Variants in PRAMEF1 observed in about 807,000 individuals in gnomAD.
The protein encoded by PRAMEF1 is PRAME family member 1.
In PRAMEF1, 21 loss-of-function variants were observed where a neutral mutation model predicts 38.2. The ratio of observed to expected loss-of-function variants is 0.55; its 90% CI spans 0.39 to 0.79. The LOEUF (loss-of-function observed/expected upper bound fraction) is 0.79. PRAMEF1 is among the 30% of genes least tolerant of loss of function. The probability of loss-of-function intolerance (pLI) is 0.00; values close to 1 mark genes in which losing one functional copy is unlikely to be tolerated. For synonymous variants in PRAMEF1, 200 were observed against 229.0 expected (o/e 0.87, Z 1.14); for missense variants, 497 against 565.8 (o/e 0.88, Z 1.23).
chr1:12,794,481 A>G lies in PRAMEF1; in HGVS notation c.854A>G (p.Glu285Gly). ...KLITFFSGHL[E>G]QLIRCLQNPL... ...ATCACCTTCTTCAGTGGGCACCTGG[A>G]ACAGCTGATCAGGTGAGAAAGGATC... The change falls in exon 3 of 4, where the codon GAA becomes GGA. Residue 285 changes from glutamate to glycine, a missense_variant. Glu to Gly is a moderately conservative substitution (Grantham distance 98). Coordinates refer to ENST00000332296, the MANE Select transcript of PRAMEF1 (RefSeq NM_023013.4). The G allele has an allele frequency of 2.5e-6, 4 of 1,610,194 alleles. No individual in the cohort carries two copies. Among genetic ancestry groups the G allele is most frequent in the Non-Finnish European group, 3.4e-6 (4 of 1,177,792 alleles).
rs1229954598 is a variant in PRAMEF1, at chr1:12,794,108, G to A, written c.481G>A (p.Asp161Asn). Residue 161 changes from aspartate to asparagine, a missense_variant, in exon 3 of 4, where the codon GAT becomes AAT. Asp to Asn is a conservative substitution (Grantham distance 23). Transcript: ENST00000332296. ...CATCTGCCTCAAGGAAATACCCCAGGATGAATGCCTGAGATACCTCTTCCA... is the reference window on the plus strand; with the variant it reads ...CATCTGCCTCAAGGAAATACCCCAGAATGAATGCCTGAGATACCTCTTCCA... ...IDICLKEIPQ[D>N]ECLRYLFQWV... 2 of 1,609,914 alleles carry A rather than the reference G, an allele frequency of 1.2e-6. No individual in the cohort carries two copies. Among genetic ancestry groups the A allele is most frequent in the South Asian group, 1.1e-5 (1 of 90,712 alleles).
chr1:12,791,532 A>T (rs1639293540), intron 1 of PRAMEF1, 58 bp downstream of exon 1: 1 of 147,906 alleles, frequency 6.8e-6, no homozygotes, highest in Non-Finnish European at 1.5e-5. Flanking sequence ...CCAGTCAGGG[A>T]CGGTGACACA....
Position 12,793,953 on chromosome 1 carries a change from A to G in PRAMEF1, c.326A>G (p.Asp109Gly). 6.2e-7 allele frequency: 1 copy of G among 1,609,086 alleles called. No homozygotes were observed. The highest frequency in any genetic ancestry group is 8.5e-7 in the Non-Finnish European group (1 of 1,178,596). Residue 109 changes from aspartate (D) to glycine (G), a missense_variant, in exon 3 of 4, where the codon GAC (aspartate) becomes GGC (glycine). Coordinates refer to ENST00000332296, the MANE Select transcript of PRAMEF1 (RefSeq NM_023013.4). ...KLQVLDLRDVDENFWARWPGA... is the reference protein window; with the variant it reads ...KLQVLDLRDVGENFWARWPGA... ...CAAGTGCTGGATTTGCGGGATGTTG[A>G]CGAGAATTTCTGGGCCAGATGGCCT...
rs200944557 is a variant in PRAMEF1 at position 12,795,929 on chromosome 1, G to A, written c.1358G>A (p.Gly453Asp). 365 of 1,610,776 alleles carry A rather than the reference G, an allele frequency of 2.3e-4. No homozygotes were observed. The highest frequency in any genetic ancestry group is 2.9e-4 in the Non-Finnish European group (343 of 1,179,656). Residue 453 changes from glycine (G) to aspartate (D), a missense_variant, in exon 4 of 4, where the codon GGC becomes GAC. Physicochemically the swap from Gly to Asp is moderately conservative, Grantham distance 94 (BLOSUM62 -1). This residue lies in a region of PRAMEF1 where 27 missense variants were observed against 63.9 expected (regional missense o/e 0.42). Transcript: ENST00000332296. ...EVRQPKRIFI[G>D]PTPCPSCGSS... ...AGGCAGCCCAAGAGGATCTTCATTGGCCCCACCCCCTGCCCTTCCTGTGGC... is the reference window on the plus strand; with the variant it reads ...AGGCAGCCCAAGAGGATCTTCATTGACCCCACCCCCTGCCCTTCCTGTGGC...
Position 12,794,271 on chromosome 1 carries a change from T to A in PRAMEF1, c.644T>A (p.Met215Lys). ...NSIQELEIRNMSWPRLIRKLR... is the reference protein window; with the variant it reads ...NSIQELEIRNKSWPRLIRKLR... ...ATTCAAGAGCTGGAAATTCGCAACA[T>A]GTCCTGGCCACGTCTGATAAGAAAG... is the stretch of plus-strand genomic sequence containing the variant. Residue 215 changes from methionine to lysine, a missense_variant, in exon 3 of 4, where the codon ATG (methionine) becomes AAG (lysine). Transcript: ENST00000332296. The A allele has an allele frequency of 2.5e-6, 4 of 1,611,938 alleles. 1 individual carries two copies. The highest frequency in any genetic ancestry group is 3.4e-6 in the Non-Finnish European group (4 of 1,178,780).
At chr1:12,795,307 C>A (rs1639375821) in intron 3 of PRAMEF1, 131 bp from the exon 4 acceptor site, 1 of 768,826 alleles carries the variant, frequency 1.3e-6, no homozygotes, top group African/African-American at 1.8e-5. Context: ...CATGCAGCAA[C>A]TTCCATGAGG....
rs751576437 is a variant in PRAMEF1 at position 12,792,750 on chromosome 1, G to T, written c.-25-453G>T. Among the ~76,000 whole-genome samples, 12 of 150,438 alleles carry T rather than the reference G, an allele frequency of 8.0e-5. 1 individual carries two copies. Among genetic ancestry groups the T allele is most frequent in the Non-Finnish European group, 1.8e-4 (12 of 67,418 alleles). The stretch of plus-strand genomic sequence containing the variant: ...TAGGCCAGGCTGTTCTCAAATTACG[G>T]ACCTCAAGTGATCTGCCTCCTTGGT... On this transcript the variant is annotated intron_variant, in intron 1 of 3. Transcript: ENST00000332296.
Position 12,795,063 on chromosome 1 carries a change from A to G in PRAMEF1, c.867-375A>G. 3.7e-6 allele frequency: 4 copies of G among 1,085,598 alleles called. No individual in the cohort carries two copies. In the South Asian group the frequency reaches 4.5e-5, roughly 12 times the overall value. 67.2% of individuals were successfully genotyped at this position (1,085,598 alleles called of 1,614,324 possible). A position where few individuals can be genotyped will look rare whatever the true frequency, so the allele number is the denominator to read the frequency against. ...TGACAGTTGGTTTGCAGATGCAGGC[A>G]TGTCAGGGAGCCCCTGCTGACATGT... On this transcript the variant is annotated intron_variant, in intron 3 of 3. Transcript: ENST00000332296.
rs267597970 is a variant in PRAMEF1 at position 12,793,385 on chromosome 1, C to G, written c.158C>G (p.Thr53Arg). The change falls in exon 2 of 4, where the codon ACG becomes AGG. Residue 53 changes from threonine to arginine, a missense_variant. Physicochemically the swap from Thr to Arg is moderately conservative, Grantham distance 71 (BLOSUM62 -1). Transcript: ENST00000332296. ...AFSRRHFQTLTVMVQAWPFTC... is the reference protein window; with the variant it reads ...AFSRRHFQTLRVMVQAWPFTC... ...AGCAGGAGACACTTCCAGACTCTGA[C>G]GGTGATGGTTCAGGCCTGGCCCTTC... The G allele has an allele frequency of 6.2e-7, 1 of 1,610,118 alleles. No homozygotes were observed. The highest frequency in any genetic ancestry group is 2.3e-5 in the East Asian group (1 of 44,380).
rs200932095 is a variant in PRAMEF1 at position 12,791,422 on chromosome 1, A to T, written c.-78A>T. On this transcript the variant is annotated 5_prime_UTR_variant, in exon 1 of 4. Transcript: ENST00000332296. The stretch of plus-strand genomic sequence containing the variant: ...ACCCACAGCACTCATTCCTGGAGCT[A>T]CTGGTTGGTTTCCTGAGAGGTCCCA... The T allele has an allele frequency of 7.1e-6, 1 of 141,662 alleles. No individual in the cohort carries two copies. The highest frequency in any genetic ancestry group is 1.6e-5 in the Non-Finnish European group (1 of 63,172). 8.8% of individuals were successfully genotyped at this position (141,662 alleles called of 1,614,324 possible). A position where few individuals can be genotyped will look rare whatever the true frequency, so the allele number is the denominator to read the frequency against.
At position 12,793,322 on chromosome 1, in the gene PRAMEF1, C is replaced by G; in HGVS notation, c.95C>G (p.Pro32Arg). 6.2e-7 allele frequency: 1 copy of G among 1,608,792 alleles called. No individual in the cohort carries two copies. The highest frequency in any genetic ancestry group is 8.5e-7 in the Non-Finnish European group (1 of 1,177,750). The change falls in exon 2 of 4, where the codon CCC (proline) becomes CGC (arginine). Residue 32 changes from proline to arginine, a missense_variant. By Grantham distance (103) the Pro-to-Arg change is moderately radical. Transcript: ENST00000332296. ...TCCATCTCTGCCATGGAGGAGCTGC[C>G]CAGGGTGCTCTATCTCCCACTCTTC... Reference protein sequence around the residue: ...ALSISAMEELPRVLYLPLFME... With the variant: ...ALSISAMEELRRVLYLPLFME...
At chr1:12,793,846 T>A in intron 2 of PRAMEF1, 69 bp from the exon 3 acceptor site, 1 of 1,425,264 alleles carries the variant, frequency 7.0e-7, no homozygotes, top group South Asian at 1.3e-5. Flanking sequence ...ATTTATGGGA[T>A]GACAATGAAA....
At position 12,794,331 on chromosome 1, in the gene PRAMEF1, G is replaced by A. The variant is rs767221045; in HGVS notation, c.704G>A (p.Arg235His). ...TACCTGAAGGAGATGAAGAATCTTC[G>A]CAAACTCGTTTTCTCCAGGTGCCAT... ...RCYLKEMKNL[R>H]KLVFSRCHHY... is the part of the protein sequence containing the mutation. Residue 235 changes from arginine (R) to histidine (H), a missense_variant, in exon 3 of 4, where the codon CGC (arginine) becomes CAC (histidine). Physicochemically the swap from Arg to His is conservative, Grantham distance 29. Around this residue, in one of 2 missense-constraint regions of PRAMEF1, gnomAD observed 470 missense variants for 501.9 expected, o/e 0.94. Coordinates refer to ENST00000332296, the MANE Select transcript of PRAMEF1 (RefSeq NM_023013.4). The A allele has an allele frequency of 2.4e-5, 39 of 1,611,988 alleles. 1 individual carries two copies. Among genetic ancestry groups the A allele is most frequent in the Admixed American group, 1.8e-4 (11 of 59,812 alleles).
chr1:12,795,259 C>T (rs1231451348), intron 3 of PRAMEF1, among the ~76,000 whole-genome samples, 179 bp from the exon 4 acceptor site: 1 of 151,650 alleles, frequency 6.6e-6, no homozygotes, highest in Non-Finnish European at 1.5e-5. Context: ...AGGGCTGAGG[C>T]TAAAATGGGA....
At chr1:12,795,310 C>T in intron 3 of PRAMEF1, 128 bp from the exon 4 acceptor site, 1 of 761,402 alleles carries the variant, frequency 1.3e-6, no homozygotes, top group Non-Finnish European at 2.1e-6. Flanking sequence ...GCAGCAACTT[C>T]CATGAGGACC....
chr1:12,792,787 T>A (rs1639315850), intron 1 of PRAMEF1, among the ~76,000 whole-genome samples: 1 of 150,666 alleles, frequency 6.6e-6, no homozygotes, highest in African/African-American at 2.4e-5. Context: ...TCCAGCAGTG[T>A]TGGGATTACA....
intron 2 of PRAMEF1, 132 bp from the exon 3 acceptor site, chr1:12,793,783 A>G: frequency 7.1e-6 from 10 of 1,417,182 alleles, no homozygotes; most frequent in Non-Finnish European, 9.6e-6. Context: ...AAAAGGGAAC[A>G]GGGATTGAGA....
chr1:12,793,659 C>T, intron 2 of PRAMEF1, 145 bp downstream of exon 2: 1 of 1,530,584 alleles, frequency 6.5e-7, no homozygotes, highest in Non-Finnish European at 8.9e-7. Flanking sequence ...GGCCATTTTC[C>T]AGATCCTCAG....
In PRAMEF1 at chr1:12,793,895, C is replaced by A. The variant is rs564107755; in HGVS notation, c.288-20C>A. 12 of 1,607,384 alleles carry A rather than the reference C, an allele frequency of 7.5e-6. No individual in the cohort carries two copies. In the Admixed American group the frequency reaches 1.3e-4, roughly 18 times the overall value. On this transcript the variant is annotated intron_variant, in intron 2 of 3. Coordinates refer to ENST00000332296, the MANE Select transcript of PRAMEF1 (RefSeq NM_023013.4). ...ATGAGTCCTTCTAAATTCTGAGTCTCTCCCTTACTTTACCCACAGGAGGTG... is the reference window on the plus strand; with the variant it reads ...ATGAGTCCTTCTAAATTCTGAGTCTATCCCTTACTTTACCCACAGGAGGTG...
Sources: allele counts gnomAD v4.1 joint callset (sites outside exome capture counted in the v4.1 genomes callset), GRCh38; gene constraint gnomAD v4.1.1; regional missense constraint gnomAD v4.1.1; transcripts MANE v1.5; gene names NCBI Gene and HGNC (gene_info 2026-07-23, HGNC 2026-07-21).